Variants in GABRR1 observed in about 807,000 individuals in gnomAD.
GABRR1 encodes the protein gamma-aminobutyric acid receptor subunit rho-1.
A neutral mutation model predicts 55.5 loss-of-function variants in GABRR1; 59 were observed. The observed-to-expected ratio is 1.06, with a 90% confidence interval of 0.86 to 1.32. GABRR1 has a LOEUF of 1.32. GABRR1 is among the 40% of genes most tolerant of loss of function. GABRR1 has a pLI of 0.00. For synonymous variants in GABRR1, 213 were observed against 226.0 expected, an observed-to-expected ratio of 0.94 and a Z score of 0.51; for missense variants, 602 against 619.1, an observed-to-expected ratio of 0.97 and a Z score of 0.29.
intron 6 of GABRR1, among the ~76,000 whole-genome samples, chr6:89,189,137 A>G (rs1772005952): frequency 6.6e-6 from 1 of 151,990 alleles, no homozygotes; most frequent in African/African-American, 2.4e-5. Context: ...CCAAGCAGTT[A>G]CCCTGATTCA....
intron 6 of GABRR1, among the ~76,000 whole-genome samples, chr6:89,189,635 C>A (rs1772023677): frequency 6.8e-6 from 1 of 146,394 alleles, no homozygotes; most frequent in African/African-American, 2.5e-5. Flanking sequence ...ACAATGTGCA[C>A]ATGTACCCTA....
intron 7 of GABRR1, among the ~76,000 whole-genome samples, chr6:89,184,680 C>T (rs114664717): frequency 0.012 from 1,860 of 152,236 alleles, 39 homozygotes; most frequent in African/African-American, 0.04. Context: ...CTCGGATCAG[C>T]GTATCACGGC....
At chr6:89,210,360 AT>A (rs2127805446) in intron 1 of GABRR1, among the ~76,000 whole-genome samples, 1 of 151,564 alleles carries the variant, frequency 6.6e-6, no homozygotes, top group South Asian at 2.1e-4. Context: ...CACCTGGCTA[AT>A]TTTGCTTGTT....
intron 1 of GABRR1, among the ~76,000 whole-genome samples, chr6:89,230,594 C>A (rs1042133554): frequency 3.3e-5 from 5 of 152,164 alleles, no homozygotes; most frequent in Admixed American, 2.0e-4. Flanking sequence ...GGGTCAGGGA[C>A]CCGCTTGAGG....
chr6:89,207,290 A>G (rs772755021), intron 1 of GABRR1, among the ~76,000 whole-genome samples: 2 of 151,898 alleles, frequency 1.3e-5, no homozygotes, highest in Non-Finnish European at 1.5e-5. Context: ...GACCTCCTGA[A>G]CTCAAGCTAT....
chr6:89,222,374 C>T lies in GABRR1; in HGVS notation c.-410-928G>A, dbSNP rs114632363. Among the ~76,000 whole-genome samples, 804 of 152,316 alleles carry T rather than the reference C, an allele frequency of 5.3e-3. 8 individuals are homozygous for T. Among genetic ancestry groups the T allele is most frequent in the African/African-American group, 0.018 (766 of 41,570 alleles). ...ATCCTAAATTCGATTCCTGTAAACC[C>T]ACTTTGTGGGGCTCCTTTTCCCCTT... On this transcript the variant is annotated intron_variant, in intron 1 of 11. Coordinates refer to the GABRR1 transcript ENST00000369451.
At chr6:89,188,230 C>A (rs1034939615) in intron 6 of GABRR1, among the ~76,000 whole-genome samples, 1 of 152,060 alleles carries the variant, frequency 6.6e-6, no homozygotes, top group African/African-American at 2.4e-5. Context: ...TGCTATGTTG[C>A]CCAGACTGGT....
At chr6:89,185,583 C>G in intron 6 of GABRR1, 133 bp from the exon 7 acceptor site, 1 of 759,168 alleles carries the variant, frequency 1.3e-6, no homozygotes, top group Non-Finnish European at 2.2e-6. Flanking sequence ...GAAAAACAAA[C>G]CACAGTCTAA....
chr6:89,216,051 C>G (rs546205911), intron 1 of GABRR1, among the ~76,000 whole-genome samples: 1 of 152,352 alleles, frequency 6.6e-6, no homozygotes, highest in East Asian at 1.9e-4. Flanking sequence ...GCCCAAGCAA[C>G]TTCTGACTCT....
chr6:89,204,275 C>A (rs1772572807), intron 1 of GABRR1, among the ~76,000 whole-genome samples: 1 of 152,220 alleles, frequency 6.6e-6, no homozygotes, highest in South Asian at 2.1e-4. Context: ...AGAACAGATG[C>A]ACAAGGATTA....
At chr6:89,219,130 G>A (rs1202642158), upstream of GABRR1, among the ~76,000 whole-genome samples, 1 of 152,296 alleles carries the variant, frequency 6.6e-6, no homozygotes, top group South Asian at 2.1e-4. Context: ...CCTCGGTGTG[G>A]TGGCGGGCAC....
chr6:89,210,127 C>T (rs1313189311), intron 1 of GABRR1, among the ~76,000 whole-genome samples: 2 of 149,504 alleles, frequency 1.3e-5, no homozygotes, highest in African/African-American at 4.9e-5. Context: ...TTGCTCTTTT[C>T]ACCTTTAAAG....
At chr6:89,192,146 G>A (rs937219269) in intron 5 of GABRR1, among the ~76,000 whole-genome samples, 2 of 152,124 alleles carry the variant, frequency 1.3e-5, no homozygotes, top group African/African-American at 2.4e-5. Flanking sequence ...GGAGGTGGGC[G>A]CAGGGCAGTT....
At chr6:89,206,883 G>C (rs1229952506) in intron 1 of GABRR1, among the ~76,000 whole-genome samples, 1 of 152,138 alleles carries the variant, frequency 6.6e-6, no homozygotes, top group East Asian at 1.9e-4. Flanking sequence ...CTCACACAGT[G>C]TTGGGATTAT....
intron 7 of GABRR1, among the ~76,000 whole-genome samples, chr6:89,183,019 T>C (rs1745455799): frequency 6.6e-6 from 1 of 152,050 alleles, no homozygotes; most frequent in Non-Finnish European, 1.5e-5. Flanking sequence ...AAAAAGAAAG[T>C]TAAACACAAC....
At chr6:89,191,520 G>C (rs1193964724) in intron 5 of GABRR1, among the ~76,000 whole-genome samples, 1 of 152,172 alleles carries the variant, frequency 6.6e-6, no homozygotes, top group Non-Finnish European at 1.5e-5. Context: ...TCTGTTAGTT[G>C]GTATAGGAAC....
intron 1 of GABRR1, 121 bp from the exon 2 acceptor site, chr6:89,203,606 G>T (rs1582396857): frequency 1.3e-6 from 1 of 763,458 alleles, no homozygotes. Flanking sequence ...AAAAGAAGAA[G>T]AAAAAACTAC....
chr6:89,217,202 T>C lies in GABRR1; in HGVS notation c.121A>G (p.Arg41Gly), dbSNP rs769609380. The C allele has an allele frequency of 1.2e-5, 19 of 1,614,028 alleles. No individual in the cohort carries two copies. The South Asian group carries it at 1.9e-4, about 16-fold the overall frequency. Reference protein sequence around the residue: ...REVHEMSKKGRPQRQRREVHE... With the variant: ...REVHEMSKKGGPQRQRREVHE... Reference sequence around the variant, plus strand: ...CTCTATCCCTAAATGTCCACTCACCTGCCTTTCTTAGACATCTCGTGGACT... The same window carrying C: ...CTCTATCCCTAAATGTCCACTCACCCGCCTTTCTTAGACATCTCGTGGACT... The change falls in exon 1 of 10, where the codon AGG becomes GGG. Residue 41 changes from arginine (R) to glycine (G), a missense_variant and splice_region_variant. Physicochemically the swap from Arg to Gly is moderately radical, Grantham distance 125. This residue lies in a region of GABRR1 where 435 missense variants were observed against 424.2 expected (regional missense o/e 1.03). Coordinates refer to ENST00000454853, the MANE Select transcript of GABRR1 (RefSeq NM_002042.5).
rs181482695 is a variant in GABRR1, at chr6:89,182,896, T to A, written c.797-839A>T. 2.8e-4 allele frequency among the ~76,000 whole-genome samples: 43 copies of A among 151,580 alleles called. 1 individual carries two copies. In the South Asian group the frequency reaches 7.1e-3, roughly 25 times the overall value. On this transcript the variant is annotated intron_variant, in intron 7 of 9. Transcript: ENST00000454853. ...GTCTCTATTAGGAAAAAAAATAATT[T>A]TATATATATATATGTAATTTGTTCA...
Sources: allele counts gnomAD v4.1 joint callset (sites outside exome capture counted in the v4.1 genomes callset), GRCh38; gene constraint gnomAD v4.1.1; regional missense constraint gnomAD v4.1.1; transcripts MANE v1.5; gene names NCBI Gene and HGNC (gene_info 2026-07-23, HGNC 2026-07-21).